ECD: variants seen among roughly 807,000 people sequenced by gnomAD.
ECD encodes the protein protein ecdysoneless homolog.
In ECD, 59 loss-of-function variants were observed where a neutral mutation model predicts 77.2. The observed-to-expected ratio is 0.76, with a 90% confidence interval of 0.62 to 0.95. The LOEUF (loss-of-function observed/expected upper bound fraction) is 0.95, where lower values mean the gene tolerates loss of function less well. ECD is among the 40% of genes least tolerant of loss of function. The probability of loss-of-function intolerance (pLI) is 0.00; values close to 1 mark genes in which losing one functional copy is unlikely to be tolerated. For missense variants in ECD, 704 were observed against 763.4 expected (o/e 0.92, Z 0.92); for synonymous variants, 233 against 267.4 (o/e 0.87, Z 1.26).
rs187890347 is a variant in ECD at position 73,148,083 on chromosome 10, T to C, written c.1041+193A>G. On this transcript the variant is annotated intron_variant, in intron 8 of 13. Transcript: ENST00000372979. ...CATTTAATACCAACAGTGTTAGTTT[T>C]TCTCTAATACTGGAAACAGTTCATA... 2.6e-3 allele frequency among the ~76,000 whole-genome samples: 401 copies of C among 152,308 alleles called. 1 individual carries two copies. Among genetic ancestry groups the C allele is most frequent in the African/African-American group, 9.2e-3 (382 of 41,560 alleles).
rs776848178 is a variant in ECD, at chr10:73,154,408, A to C, written c.631T>G (p.Cys211Gly). 1 of 1,613,364 alleles carries C rather than the reference A, an allele frequency of 6.2e-7. No individual in the cohort carries two copies. Among genetic ancestry groups the C allele is most frequent in the Non-Finnish European group, 8.5e-7 (1 of 1,179,826 alleles). The change falls in exon 6 of 14, where the codon TGC (cysteine) becomes GGC (glycine). Residue 211 changes from cysteine (C) to glycine (G), a missense_variant. Physicochemically the swap from Cys to Gly is radical, Grantham distance 159. This residue lies in a region of ECD where 559 missense variants were observed against 583.7 expected (regional missense o/e 0.96). Transcript: ENST00000372979. ...GCCACAATGCCAGCTGGAAGGAAGC[A>C]GTGTGCTCGATGAAGTGAGGCCTGA... ...KIQASLHRAH[C>G]FLPAGIVAVL... is the part of the protein sequence containing the mutation.
intron 8 of ECD, among the ~76,000 whole-genome samples, chr10:73,147,516 C>G (rs1163515042): frequency 2.0e-5 from 3 of 151,684 alleles, no homozygotes; most frequent in African/African-American, 7.3e-5. Flanking sequence ...TGCCATTGCA[C>G]TCCAGCCTAG....
intron 6 of ECD, 67 bp downstream of exon 6, chr10:73,154,181 TAAAAAGAA>T: frequency 1.4e-6 from 2 of 1,434,924 alleles, no homozygotes; most frequent in South Asian, 2.9e-5. Flanking sequence ...CTGAGAAATG[TAAAAAGAA>T]AAAAATAATA....
chr10:73,136,611 A>T, intron 13 of ECD, 93 bp downstream of exon 13: 2 of 1,156,332 alleles, frequency 1.7e-6, no homozygotes, highest in Non-Finnish European at 2.5e-6. Context: ...TTCAAATCTC[A>T]CACACCAAAA....
At chr10:73,145,585 A>AT (rs1843113610) in intron 9 of ECD, among the ~76,000 whole-genome samples, 1 of 151,178 alleles carries the variant, frequency 6.6e-6, no homozygotes, top group African/African-American at 2.4e-5. Flanking sequence ...GCTACTTGTA[A>AT]TTTTTTCCCC....
Position 73,135,537 on chromosome 10 carries a change from A to G in ECD, c.1705-724T>C, listed in dbSNP as rs185751224. 1.8e-3 allele frequency among the ~76,000 whole-genome samples: 279 copies of G among 152,094 alleles called. 3 individuals are homozygous for G. Among genetic ancestry groups the G allele is most frequent in the African/African-American group, 6.4e-3 (264 of 41,480 alleles). ...AGCTCCAGAGACTAGCCTGGCCAAC[A>G]TGGTGAAACCCTGTCTCTACTAAAT... On this transcript the variant is annotated intron_variant, in intron 13 of 13. Coordinates refer to ENST00000372979, the MANE Select transcript of ECD (RefSeq NM_007265.3).
Position 73,163,873 on chromosome 10 carries a change from G to A in ECD, c.65C>T (p.Pro22Leu). ...TTTATCTGAGTCCCTTGACTCATCTGGTATCAGGAACAGGCAGTACTCCAC... is the reference window on the plus strand; with the variant it reads ...TTTATCTGAGTCCCTTGACTCATCTAGTATCAGGAACAGGCAGTACTCCAC... The part of the protein sequence containing the change: ...DTVEYCLFLI[P>L]DESRDSDKHK... Residue 22 changes from proline to leucine, a missense_variant, in exon 2 of 14, where the codon CCA becomes CTA. Pro to Leu is a moderately conservative substitution (Grantham distance 98). Transcript: ENST00000372979. The A allele has an allele frequency of 1.2e-6, 2 of 1,614,086 alleles. No homozygotes were observed. The highest frequency in any genetic ancestry group is 1.7e-6 in the Non-Finnish European group (2 of 1,179,996).
intron 1 of ECD, among the ~76,000 whole-genome samples, chr10:73,166,439 A>T (rs1843464817): frequency 6.6e-6 from 1 of 152,152 alleles, no homozygotes; most frequent in South Asian, 2.1e-4. Flanking sequence ...TTACATTCTC[A>T]CCAACAGTGT....
Position 73,134,245 on chromosome 10 carries a change from T to C in ECD, c.*338A>G, listed in dbSNP as rs554353984. 135 of 183,372 alleles carry C rather than the reference T, an allele frequency of 7.4e-4. No homozygotes were observed. Among genetic ancestry groups the C allele is most frequent in the Admixed American group, 1.2e-3 (21 of 18,212 alleles). 11.4% of individuals were successfully genotyped at this position (183,372 alleles called of 1,614,324 possible). On this transcript the variant is annotated 3_prime_UTR_variant, in exon 14 of 14. Coordinates refer to ENST00000372979, the MANE Select transcript of ECD (RefSeq NM_007265.3). ...AATTTGTCAACTTGAAATTTTGATC[T>C]GAGGATGAATAGCAGTAAGGGAGAA...
rs747925605 is a variant in ECD at position 73,134,822 on chromosome 10, T to C, written c.1705-9A>G. Reference sequence around the variant, plus strand: ...GTCTGGGATACAGGTTCCTTATTCATAGAGGGAAAAGAAAATTATGGGCTA... The same window carrying C: ...GTCTGGGATACAGGTTCCTTATTCACAGAGGGAAAAGAAAATTATGGGCTA... On this transcript the variant is annotated splice_polypyrimidine_tract_variant and intron_variant, in intron 13 of 13. Coordinates refer to ENST00000372979, the MANE Select transcript of ECD (RefSeq NM_007265.3). 1.4e-5 allele frequency: 23 copies of C among 1,611,468 alleles called. No homozygotes were observed. In the Admixed American group the frequency reaches 3.0e-4, roughly 21 times the overall value.
At position 73,154,413 on chromosome 10, in the gene ECD, G is replaced by C; in HGVS notation, c.626C>G (p.Ala209Gly). The change falls in exon 6 of 14, where the codon GCA (alanine) becomes GGA (glycine). Residue 209 changes from alanine (A) to glycine (G), a missense_variant. Physicochemically the swap from Ala to Gly is moderately conservative, Grantham distance 60. Around this residue, in one of 3 missense-constraint regions of ECD, gnomAD observed 559 missense variants for 583.7 expected, o/e 0.96. Transcript: ENST00000372979. ...PEKIQASLHR[A>G]HCFLPAGIVA... Reference sequence around the variant, plus strand: ...AATGCCAGCTGGAAGGAAGCAGTGTGCTCGATGAAGTGAGGCCTGAATTTT... The same window carrying C: ...AATGCCAGCTGGAAGGAAGCAGTGTCCTCGATGAAGTGAGGCCTGAATTTT... 3.1e-6 allele frequency: 5 copies of C among 1,611,492 alleles called. No homozygotes were observed. Among genetic ancestry groups the C allele is most frequent in the Non-Finnish European group, 4.2e-6 (5 of 1,179,380 alleles).
chr10:73,154,379 C>T lies in ECD; in HGVS notation c.660G>A (p.Val220=). 7.4e-6 allele frequency: 12 copies of T among 1,614,086 alleles called. No homozygotes were observed. Among genetic ancestry groups the T allele is most frequent in the Non-Finnish European group, 1.0e-5 (12 of 1,180,018 alleles). The change falls in exon 6 of 14, where the codon GTG becomes GTA. Residue 220 remains valine, a synonymous_variant. Transcript: ENST00000372979. ...HCFLPAGIVA[V]LKQRPRLVAA... is the part of the protein sequence containing the mutation. ...CCACCAATCTGGGGCGCTGCTTTAG[C>T]ACTGCCACAATGCCAGCTGGAAGGA...
At position 73,152,416 on chromosome 10, in the gene ECD, T is replaced by C. The variant is rs779526077; in HGVS notation, c.789A>G (p.Thr263=). ...LPETRIMTSV[T]FTKCLYAQLV... is the part of the protein sequence containing the mutation. ...ATTGTGCATATAGACATTTAGTGAA[T>C]GTGACCTGGGCATCAAGACACAAAA... is the stretch of plus-strand genomic sequence containing the variant. The change falls in exon 7 of 14, where the codon ACA becomes ACG. Residue 263 remains threonine (T), a synonymous_variant. Coordinates refer to ENST00000372979, the MANE Select transcript of ECD (RefSeq NM_007265.3). 6.2e-6 allele frequency: 10 copies of C among 1,612,280 alleles called. No individual in the cohort carries two copies. The African/African-American group carries it at 1.3e-4, about 22-fold the overall frequency.
intron 3 of ECD, among the ~76,000 whole-genome samples, chr10:73,158,461 C>T (rs879634933): frequency 2.6e-5 from 4 of 151,902 alleles, no homozygotes; most frequent in Admixed American, 1.3e-4. Context: ...ATAGGCTGGG[C>T]GCAGTGGCTC....
At chr10:73,148,447 T>TC (rs1450754526) in intron 7 of ECD, 43 bp from the exon 8 acceptor site, 3 of 1,600,190 alleles carry the variant, frequency 1.9e-6, no homozygotes, top group South Asian at 1.1e-5. Context: ...GTTCCTTTTT[T>TC]CCCGTATCTT....
At chr10:73,152,471 G>A in intron 6 of ECD, 50 bp from the exon 7 acceptor site, 1 of 1,584,074 alleles carries the variant, frequency 6.3e-7, no homozygotes, top group South Asian at 1.1e-5. Flanking sequence ...AATTAAGATT[G>A]TGAATAACAC....
At chr10:73,160,337 G>T in intron 3 of ECD, 97 bp downstream of exon 3, 1 of 763,272 alleles carries the variant, frequency 1.3e-6, no homozygotes, top group Non-Finnish European at 2.0e-6. Flanking sequence ...ATTTCCAGCA[G>T]ACTACAGGAG....
chr10:73,168,054 A>C, upstream of ECD: 3 of 471,066 alleles, frequency 6.4e-6, no homozygotes, highest in Non-Finnish European at 1.1e-5. Context: ...AGTCCCCGAA[A>C]CCTTGTGTGT....
At position 73,134,478 on chromosome 10, in the gene ECD, T is replaced by G; in HGVS notation, c.*105A>C. The G allele has an allele frequency of 8.9e-7, 1 of 1,124,252 alleles. No homozygotes were observed. The highest frequency in any genetic ancestry group is 1.6e-5 in the African/African-American group (1 of 63,488). The allele number at this position is 1,124,252 out of a possible 1,614,324, so 69.6% of individuals were successfully genotyped here. On this transcript the variant is annotated 3_prime_UTR_variant, in exon 14 of 14. Coordinates refer to ENST00000372979, the MANE Select transcript of ECD (RefSeq NM_007265.3). ...CATGGAGAAGTCAATCTGTAAAACTTGTAATGAAGAAACATTTTTACTAAA... is the reference window on the plus strand; with the variant it reads ...CATGGAGAAGTCAATCTGTAAAACTGGTAATGAAGAAACATTTTTACTAAA...
Sources: allele counts gnomAD v4.1 joint callset (sites outside exome capture counted in the v4.1 genomes callset), GRCh38; gene constraint gnomAD v4.1.1; regional missense constraint gnomAD v4.1.1; transcripts MANE v1.5; gene names NCBI Gene and HGNC (gene_info 2026-07-23, HGNC 2026-07-21).